KANK3: variants seen among roughly 807,000 people sequenced by gnomAD.
The protein encoded by KANK3 is KN motif and ankyrin repeat domains 3.
KANK3 carries 61 observed loss-of-function variants against 65.4 expected under a neutral mutation model. The observed-to-expected ratio is 0.93, with a 90% confidence interval of 0.76 to 1.15. KANK3 has a LOEUF of 1.15. Ranked by LOEUF, KANK3 falls within the 50% of genes most tolerant of loss-of-function variation. KANK3 has a pLI of 0.00. For missense variants in KANK3, 1,187 were observed against 1,178.8 expected (o/e 1.01, Z -0.10); for synonymous variants, 586 against 543.3 (o/e 1.08, Z -1.09).
At position 8,322,931 on chromosome 19, in the gene KANK3, A is replaced by C; in HGVS notation, c.2383-9T>G. On this transcript the variant is annotated splice_polypyrimidine_tract_variant and intron_variant, in intron 10 of 10. Transcript: ENST00000330915. ...CCAGGGGGTGACTCGCTCTGGAGAG[A>C]GGGGAAAAGAGGGGGGCCTGCTGCA... 1.5e-6 allele frequency: 2 copies of C among 1,319,312 alleles called. No individual in the cohort carries two copies. Among genetic ancestry groups the C allele is most frequent in the Non-Finnish European group, 2.1e-6 (2 of 971,988 alleles). 81.7% of individuals were successfully genotyped at this position (1,319,312 alleles called of 1,614,324 possible).
chr19:8,327,091 G>C (rs1470476111), intron 7 of KANK3, among the ~76,000 whole-genome samples: 1 of 152,126 alleles, frequency 6.6e-6, no homozygotes, highest in Non-Finnish European at 1.5e-5. Flanking sequence ...GGTAGTTTAA[G>C]GAAATGAATG....
chr19:8,327,309 C>CT (rs1487420714), intron 7 of KANK3, among the ~76,000 whole-genome samples: 1 of 151,888 alleles, frequency 6.6e-6, no homozygotes, highest in Non-Finnish European at 1.5e-5. Context: ...TGAGGCCAGC[C>CT]TGAGCAACAT....
Position 8,335,278 on chromosome 19 carries a change from C to T in KANK3, c.549G>A (p.Leu183=). The change falls in exon 3 of 11, where the codon CTG becomes CTA. Residue 183 remains leucine, a synonymous_variant. Coordinates refer to ENST00000330915, the MANE Select transcript of KANK3 (RefSeq NM_198471.3). Reference sequence around the variant, plus strand: ...CGGCCATCTGCTCGCGCACCAGCTGCAGTTGGGCAGGGCCGGGCGAAGCAG... The same window carrying T: ...CGGCCATCTGCTCGCGCACCAGCTGTAGTTGGGCAGGGCCGGGCGAAGCAG... ...LAPASPGPAQ[L]QLVREQMAAA... 4.1e-6 allele frequency: 5 copies of T among 1,218,856 alleles called. No individual in the cohort carries two copies. Among genetic ancestry groups the T allele is most frequent in the Non-Finnish European group, 5.1e-6 (5 of 978,950 alleles). 75.5% of individuals were successfully genotyped at this position (1,218,856 alleles called of 1,614,324 possible). A position where few individuals can be genotyped will look rare whatever the true frequency, so the allele number is the denominator to read the frequency against.
At chr19:8,323,049 A>C in intron 10 of KANK3, 127 bp from the exon 11 acceptor site, 3 of 536,670 alleles carry the variant, frequency 5.6e-6, no homozygotes, top group South Asian at 5.4e-5. Flanking sequence ...TTTGTATCCA[A>C]CCTCTGCCCC....
chr19:8,341,033 A>T (rs1970717531), intron 1 of KANK3, among the ~76,000 whole-genome samples: 1 of 152,024 alleles, frequency 6.6e-6, no homozygotes. Flanking sequence ...ACCTGGTCAC[A>T]CCCAAATCCC....
At chr19:8,337,324 C>T (rs1374897656) in intron 2 of KANK3, among the ~76,000 whole-genome samples, 1 of 151,846 alleles carries the variant, frequency 6.6e-6, no homozygotes, top group Admixed American at 6.6e-5. Context: ...CTGCCTCAGC[C>T]TCCCGAGTAG....
intron 2 of KANK3, 66 bp downstream of exon 2, chr19:8,337,729 C>T: frequency 1.3e-6 from 2 of 1,578,856 alleles, no homozygotes; most frequent in South Asian, 2.2e-5. Flanking sequence ...CGTCCACACA[C>T]AAGGGCATCA....
rs1478129412 is a variant in KANK3 at position 8,333,099 on chromosome 19, G to A, written c.1851C>T (p.Asn617=). 1 of 1,605,860 alleles carries A rather than the reference G, an allele frequency of 6.2e-7. No individual in the cohort carries two copies. The highest frequency in any genetic ancestry group is 1.7e-5 in the Admixed American group (1 of 59,710). The change falls in exon 7 of 11, where the codon AAC becomes AAT. Residue 617 remains asparagine, a synonymous_variant. Transcript: ENST00000330915. This position sits in a 1 kb window ranked among gnomAD's most constrained non-coding sequence, Gnocchi z 5.0. Reference sequence around the variant, plus strand: ...CCGTGTTCCCGTTGCCATCCGCCAGGTTCACCACGTGCGCCAGCAGTTCGG... The same window carrying A: ...CCGTGTTCCCGTTGCCATCCGCCAGATTCACCACGTGCGCCAGCAGTTCGG... ...LGPELLAHVV[N]LADGNGNTAL...
rs573315741 is a variant in KANK3, at chr19:8,325,296, CTTT to C, written c.1937-203_1937-201del. 6.6e-3 allele frequency among the ~76,000 whole-genome samples: 516 copies of C among 78,594 alleles called. 3 individuals carry two copies. Among genetic ancestry groups the C allele is most frequent in the African/African-American group, 0.024 (448 of 18,622 alleles). The allele number at this position is 78,594 out of a possible 152,430, so 51.6% of individuals were successfully genotyped here. ...TCAGTGAAGGACCTTCCTGTTTCAT[CTTT>C]TTTTTTTTTTTTTTTTTTTTTTTGA... is the stretch of plus-strand genomic sequence containing the variant. On this transcript the variant is annotated intron_variant, in intron 7 of 10. Transcript: ENST00000330915.
intron 7 of KANK3, 27 bp downstream of exon 7, chr19:8,332,987 T>TGGGGGGGGG: frequency 2.5e-6 from 1 of 395,198 alleles, no homozygotes; most frequent in Non-Finnish European, 4.8e-6. Flanking sequence ...TTTCCTGGTG[T>TGGGGGGGGG]CCCACCCACC....
At position 8,333,122 on chromosome 19, in the gene KANK3, C is replaced by T. The variant is rs7249069; in HGVS notation, c.1828G>A (p.Glu610Lys). The T allele has an allele frequency of 0.081, 129,849 of 1,612,804 alleles. 5,742 individuals carry two copies. Among genetic ancestry groups the T allele is most frequent in the Middle Eastern group, 0.12 (722 of 6,056 alleles). ...MLEGVRRLGP[E>K]LLAHVVNLAD... ...AGGTTCACCACGTGCGCCAGCAGTT[C>T]GGGTCCCAGGCGCCTCACCCCTTCC... The change falls in exon 7 of 11, where the codon GAA becomes AAA. Residue 610 changes from glutamate (E) to lysine (K), a missense_variant. Around this residue, in one of 3 missense-constraint regions of KANK3, gnomAD observed 1,078 missense variants for 1,038.2 expected, o/e 1.04. Coordinates refer to ENST00000330915, the MANE Select transcript of KANK3 (RefSeq NM_198471.3). The surrounding 1 kb of genome is among the most constrained non-coding windows in gnomAD (Gnocchi z 5.0).
At chr19:8,337,660 A>T in intron 2 of KANK3, 135 bp downstream of exon 2, 2 of 1,039,128 alleles carry the variant, frequency 1.9e-6, no homozygotes, top group Admixed American at 1.8e-5. Context: ...TTGATGCCAT[A>T]GGTGGTTTAA....
At position 8,324,742 on chromosome 19, in the gene KANK3, G is replaced by A. The variant is rs567210074; in HGVS notation, c.2171C>T (p.Ala724Val). ...TLLACGADVNAQDADGATALM... is the reference protein window; with the variant it reads ...TLLACGADVNVQDADGATALM... ...CGCTGTGGCCCCATCCGCATCCTGC[G>A]CATTCACATCAGCCCCACACGCCAG... The change falls in exon 9 of 11, where the codon GCG becomes GTG. Residue 724 changes from alanine (A) to valine (V), a missense_variant. Physicochemically the swap from Ala to Val is moderately conservative, Grantham distance 64. Around this residue, in one of 3 missense-constraint regions of KANK3, gnomAD observed 1,078 missense variants for 1,038.2 expected, o/e 1.04. Coordinates refer to ENST00000330915, the MANE Select transcript of KANK3 (RefSeq NM_198471.3). 53 of 1,614,032 alleles carry A rather than the reference G, an allele frequency of 3.3e-5. 1 individual carries two copies. In the Admixed American group the frequency reaches 6.0e-4, roughly 18 times the overall value.
At chr19:8,340,291 T>TACACACACACAC (rs147457593) in intron 1 of KANK3, among the ~76,000 whole-genome samples, 18 of 92,752 alleles carry the variant, frequency 1.9e-4, no homozygotes, top group African/African-American at 6.6e-4. Context: ...TATATATATA[T>TACACACACACAC]ACACACACAC....
intron 7 of KANK3, among the ~76,000 whole-genome samples, chr19:8,328,915 G>C (rs920889631): frequency 6.6e-6 from 1 of 151,968 alleles, no homozygotes; most frequent in South Asian, 2.1e-4. Context: ...CACGCCTGTA[G>C]TCCCAGCACT....
chr19:8,333,103 A>G lies in KANK3; in HGVS notation c.1847T>C (p.Val616Ala). The G allele has an allele frequency of 5.0e-6, 8 of 1,612,298 alleles. No homozygotes were observed. Among genetic ancestry groups the G allele is most frequent in the Non-Finnish European group, 6.8e-6 (8 of 1,179,830 alleles). The part of the protein sequence containing the change: ...RLGPELLAHV[V>A]NLADGNGNTA... ...GTTCCCGTTGCCATCCGCCAGGTTC[A>G]CCACGTGCGCCAGCAGTTCGGGTCC... Residue 616 changes from valine to alanine, a missense_variant, in exon 7 of 11, where the codon GTG becomes GCG. Around this residue, in one of 3 missense-constraint regions of KANK3, gnomAD observed 1,078 missense variants for 1,038.2 expected, o/e 1.04. Transcript: ENST00000330915. This position sits in a 1 kb window ranked among gnomAD's most constrained non-coding sequence, Gnocchi z 5.0.
At position 8,339,338 on chromosome 19, in the gene KANK3, A is replaced by G. The variant is rs187019240; in HGVS notation, c.-28-1482T>C. On this transcript the variant is annotated intron_variant, in intron 1 of 10. Transcript: ENST00000330915. ...AGGAGTCAAGACCCACCTGCGCAAC[A>G]TAGCGAGACCCTATCTCTTTTTGTT... is the stretch of plus-strand genomic sequence containing the variant. Among the ~76,000 whole-genome samples, 124 of 150,956 alleles carry G rather than the reference A, an allele frequency of 8.2e-4. 1 individual carries two copies. Among genetic ancestry groups the G allele is most frequent in the African/African-American group, 3.0e-3 (123 of 41,092 alleles).
Position 8,335,319 on chromosome 19 carries a change from C to G in KANK3, c.508G>C (p.Ala170Pro). 6.7e-6 allele frequency: 8 copies of G among 1,196,592 alleles called. No individual in the cohort carries two copies. Among genetic ancestry groups the G allele is most frequent in the African/African-American group, 1.6e-5 (1 of 62,698 alleles). 74.1% of individuals were successfully genotyped at this position (1,196,592 alleles called of 1,614,324 possible). ...SPRGSGRSSP[A>P]PNLAPASPGP... is the part of the protein sequence containing the mutation. ...GGCGAAGCAGGGGCAAGGTTAGGGGCGGGGCTGCTGCGGCCGGACCCGCGT... is the reference window on the plus strand; with the variant it reads ...GGCGAAGCAGGGGCAAGGTTAGGGGGGGGGCTGCTGCGGCCGGACCCGCGT... Residue 170 changes from alanine (A) to proline (P), a missense_variant, in exon 3 of 11, where the codon GCC becomes CCC. Transcript: ENST00000330915.
At chr19:8,337,290 G>A (rs1338166621) in intron 2 of KANK3, among the ~76,000 whole-genome samples, 2 of 140,826 alleles carry the variant, frequency 1.4e-5, no homozygotes, top group Admixed American at 7.9e-5. Flanking sequence ...TGCAAGCTCC[G>A]CCTCCCGGGT....
Sources: allele counts gnomAD v4.1 joint callset (sites outside exome capture counted in the v4.1 genomes callset), GRCh38; gene constraint gnomAD v4.1.1; regional missense constraint gnomAD v4.1.1; non-coding constraint Gnocchi (gnomAD v3.1); transcripts MANE v1.5; gene names NCBI Gene and HGNC (gene_info 2026-07-23, HGNC 2026-07-21).